ZRANB3: variants seen among roughly 807,000 people sequenced by gnomAD.
The protein encoded by ZRANB3 is DNA annealing helicase and endonuclease ZRANB3.
Under a neutral mutation model 133.8 loss-of-function variants are expected in ZRANB3, and 125 were observed. That is an observed-to-expected ratio of 0.93 (90% CI 0.81 to 1.08). The LOEUF is 1.08. Among genes scored for constraint, ZRANB3 ranks in the 50% least tolerant of loss-of-function variants. ZRANB3 has a pLI of 0.00. For synonymous variants in ZRANB3, 387 were observed against 432.7 expected (o/e 0.89, Z 1.31); for missense variants, 1,229 against 1,275.5 (o/e 0.96, Z 0.56).
chr2:135,332,010 A>T (rs1243762049), intron 6 of ZRANB3, among the ~76,000 whole-genome samples: 1 of 152,134 alleles, frequency 6.6e-6, no homozygotes, highest in East Asian at 1.9e-4. Context: ...ATGTTAATGC[A>T]TGGGACAAGG....
At chr2:135,459,425 A>C (rs893289035) in intron 2 of ZRANB3, among the ~76,000 whole-genome samples, 3 of 152,220 alleles carry the variant, frequency 2.0e-5, no homozygotes, top group Non-Finnish European at 2.9e-5. Context: ...CAAAGGAAGA[A>C]GCATACCATG....
At chr2:135,242,274 T>TA (rs1251580339) in intron 12 of ZRANB3, among the ~76,000 whole-genome samples, 2 of 151,596 alleles carry the variant, frequency 1.3e-5, no homozygotes, top group Non-Finnish European at 2.9e-5. Flanking sequence ...TCATGCCACA[T>TA]AGAGGTAGTT....
intron 2 of ZRANB3, among the ~76,000 whole-genome samples, chr2:135,480,368 T>C (rs1691722106): frequency 6.6e-6 from 1 of 152,060 alleles, no homozygotes; most frequent in Non-Finnish European, 1.5e-5. Context: ...TTGAAGAAAA[T>C]GTTTGTTCAC....
At chr2:135,294,657 C>G (rs1402942493) in intron 8 of ZRANB3, among the ~76,000 whole-genome samples, 2 of 152,010 alleles carry the variant, frequency 1.3e-5, no homozygotes, top group Admixed American at 1.3e-4. Context: ...TGTGTTTGCT[C>G]TTGCTTCTCT....
intron 1 of ZRANB3, chr2:135,512,039 T>G (rs1253315918): frequency 3.7e-6 from 2 of 540,134 alleles, no homozygotes; most frequent in Non-Finnish European, 6.8e-6. Flanking sequence ...ACAGCACTGA[T>G]GATGGCAGAA....
chr2:135,353,532 G>T lies in ZRANB3; in HGVS notation c.277C>A (p.Pro93Thr). 6.2e-7 allele frequency: 1 copy of T among 1,610,784 alleles called. No homozygotes were observed. The highest frequency in any genetic ancestry group is 8.5e-7 in the Non-Finnish European group (1 of 1,178,054). ...LIVVPSSLRY[P>T]WTEEIEKWIP... ...CATTTTTCAATTTCTTCTGTCCAAGGGTACCTCAGAGACGAAGGGACCACT... is the reference window on the plus strand; with the variant it reads ...CATTTTTCAATTTCTTCTGTCCAAGTGTACCTCAGAGACGAAGGGACCACT... The change falls in exon 4 of 21, where the codon CCT (proline) becomes ACT (threonine). Residue 93 changes from proline (P) to threonine (T), a missense_variant. Coordinates refer to ENST00000264159, the MANE Select transcript of ZRANB3 (RefSeq NM_032143.4).
intron 12 of ZRANB3, among the ~76,000 whole-genome samples, chr2:135,260,590 T>G (rs1679906107): frequency 6.7e-6 from 1 of 148,284 alleles, no homozygotes; most frequent in Admixed American, 6.8e-5. Context: ...TATATATATA[T>G]TCAAGTATAT....
intron 3 of ZRANB3, among the ~76,000 whole-genome samples, chr2:135,372,887 G>A (rs1686250156): frequency 6.6e-6 from 1 of 151,270 alleles, no homozygotes; most frequent in Admixed American, 6.6e-5. Context: ...TTTGAGACCA[G>A]CCTGGGCAAC....
At chr2:135,524,910 A>C (rs963492571) in intron 1 of ZRANB3, among the ~76,000 whole-genome samples, 1 of 152,138 alleles carries the variant, frequency 6.6e-6, no homozygotes, top group Non-Finnish European at 1.5e-5. Context: ...AAAAAATTAC[A>C]GATAAATTAT....
At chr2:135,528,170 A>T (rs1221885231) in intron 1 of ZRANB3, among the ~76,000 whole-genome samples, 3 of 150,984 alleles carry the variant, frequency 2.0e-5, no homozygotes, top group African/African-American at 7.3e-5. Flanking sequence ...TTTGTTTGAG[A>T]CAGAGTCTCC....
At chr2:135,270,697 A>G (rs1384487226) in intron 10 of ZRANB3, among the ~76,000 whole-genome samples, 1 of 152,214 alleles carries the variant, frequency 6.6e-6, no homozygotes, top group Non-Finnish European at 1.5e-5. Flanking sequence ...GAACTCCCAG[A>G]GAGTTGTGGA....
At chr2:135,321,124 C>A (rs1420269800) in intron 6 of ZRANB3, among the ~76,000 whole-genome samples, 1 of 152,172 alleles carries the variant, frequency 6.6e-6, no homozygotes, top group Non-Finnish European at 1.5e-5. Flanking sequence ...ATACAGATTT[C>A]TGAGTGAACA....
chr2:135,402,075 T>A (rs944961776), intron 2 of ZRANB3, among the ~76,000 whole-genome samples: 4 of 151,864 alleles, frequency 2.6e-5, no homozygotes, highest in African/African-American at 9.7e-5. Flanking sequence ...GTATATGAAA[T>A]TTTTTAACCT....
At chr2:135,463,284 G>C (rs1553498565) in intron 2 of ZRANB3, among the ~76,000 whole-genome samples, 1 of 152,096 alleles carries the variant, frequency 6.6e-6, no homozygotes, top group Non-Finnish European at 1.5e-5. Context: ...GGCACATAAA[G>C]ATTCATTATA....
intron 8 of ZRANB3, among the ~76,000 whole-genome samples, chr2:135,284,920 G>C (rs561766370): frequency 1.5e-4 from 23 of 148,634 alleles, no homozygotes; most frequent in Non-Finnish European, 2.4e-4. Flanking sequence ...CTCTTGGCTC[G>C]CTGCAATCTC....
At chr2:135,511,256 C>G (rs1693439759) in intron 1 of ZRANB3, 1 of 1,027,786 alleles carries the variant, frequency 9.7e-7, no homozygotes, top group Non-Finnish European at 1.5e-6. Context: ...GAGAAGAACT[C>G]TTCTGAGCAT....
Position 135,390,003 on chromosome 2 carries a change from C to CCTGAG in ZRANB3, c.180+794_180+798dup, listed in dbSNP as rs562229531. On this transcript the variant is annotated intron_variant, in intron 3 of 20. Transcript: ENST00000264159. ...TCATGCCATTCTCCTGCCTCAGCCT[C>CCTGAG]CTGAGTAGCTGGGACTACAGATGCC... Among the ~76,000 whole-genome samples the CCTGAG allele has an allele frequency of 2.3e-3, 354 of 150,740 alleles. 2 individuals carry two copies. Among genetic ancestry groups the CCTGAG allele is most frequent in the African/African-American group, 7.8e-3 (321 of 41,064 alleles).
intron 17 of ZRANB3, among the ~76,000 whole-genome samples, chr2:135,215,926 A>G (rs1694287844): frequency 6.6e-6 from 1 of 152,082 alleles, no homozygotes. Context: ...AGACAATTTA[A>G]AATGTCTCCA....
chr2:135,344,926 A>G (rs112424690), intron 6 of ZRANB3, among the ~76,000 whole-genome samples: 2 of 152,194 alleles, frequency 1.3e-5, no homozygotes, highest in African/African-American at 4.8e-5. Context: ...TGTTCACCCA[A>G]AGGGTATCTT....
Sources: allele counts gnomAD v4.1 joint callset (sites outside exome capture counted in the v4.1 genomes callset), GRCh38; gene constraint gnomAD v4.1.1; transcripts MANE v1.5; gene names NCBI Gene and HGNC (gene_info 2026-07-23, HGNC 2026-07-21).